Variants in ILRUN observed in about 807,000 individuals in gnomAD.
ILRUN encodes the protein inflammation and lipid regulator with UBA-like and NBR1-like domains, also known as protein ILRUN.
In ILRUN, 3 loss-of-function variants were observed where a neutral mutation model predicts 33.8. The observed-to-expected ratio is 0.09, with a 90% CI of 0.04 to 0.23. ILRUN has a LOEUF of 0.23. ILRUN is among the 10% of genes least tolerant of loss of function. The pLI is 1.00. For missense variants in ILRUN, 210 were observed against 375.1 expected (o/e 0.56, Z 3.64); for synonymous variants, 124 against 138.9 (o/e 0.89, Z 0.75).
chr6:34,655,452 CCT>C (rs1250976706), intron 1 of ILRUN, among the ~76,000 whole-genome samples: 4 of 152,258 alleles, frequency 2.6e-5, no homozygotes, highest in Admixed American at 6.5e-5. Context: ...TTATTTTCCC[CCT>C]TTTTTATACA....
intron 1 of ILRUN, among the ~76,000 whole-genome samples, chr6:34,658,181 T>C (rs1278567748): frequency 6.6e-6 from 1 of 151,734 alleles, no homozygotes; most frequent in Non-Finnish European, 1.5e-5. Flanking sequence ...AAACCTCGTC[T>C]CTACAAAAAA....
chr6:34,593,076 G>A (rs1243175102), intron 4 of ILRUN, among the ~76,000 whole-genome samples: 1 of 152,048 alleles, frequency 6.6e-6, no homozygotes, highest in Non-Finnish European at 1.5e-5. Context: ...ATACTCAGGA[G>A]GCTGAGGCCA....
intron 4 of ILRUN, among the ~76,000 whole-genome samples, chr6:34,605,069 G>A (rs1297777304): frequency 6.6e-6 from 1 of 152,178 alleles, no homozygotes; most frequent in East Asian, 1.9e-4. Context: ...CACTTTGGGA[G>A]GCCGAGGCGG....
rs1466684081 is a variant in ILRUN at position 34,668,515 on chromosome 6, TTTC to T, written c.159-13739_159-13737del. Among the ~76,000 whole-genome samples, 4 of 152,184 alleles carry T rather than the reference TTTC, an allele frequency of 2.6e-5. No homozygotes were observed. In the East Asian group the frequency reaches 7.7e-4, roughly 29 times the overall value. ...ACAGACTGAGATGATAACACCTACTTTTCTTGTTACGTGGTGCCACCCAAGACC... is the reference window on the plus strand; with the variant it reads ...ACAGACTGAGATGATAACACCTACTTTTGTTACGTGGTGCCACCCAAGACC... On this transcript the variant is annotated intron_variant, in intron 1 of 4. Coordinates refer to ENST00000374023, the MANE Select transcript of ILRUN (RefSeq NM_024294.4).
intron 1 of ILRUN, among the ~76,000 whole-genome samples, chr6:34,663,512 T>TA (rs1203987680): frequency 2.6e-5 from 4 of 151,768 alleles, no homozygotes; most frequent in Admixed American, 6.6e-5. Context: ...ATTTTAAACT[T>TA]AAAAAAAAGA....
At chr6:34,590,785 T>C (rs1236437786) in intron 4 of ILRUN, among the ~76,000 whole-genome samples, 185 bp from the exon 5 acceptor site, 1 of 152,138 alleles carries the variant, frequency 6.6e-6, no homozygotes, top group Non-Finnish European at 1.5e-5. Context: ...AGTTGCTAAG[T>C]TTCTCACTGA....
intron 2 of ILRUN, among the ~76,000 whole-genome samples, chr6:34,647,544 G>C (rs2127360483): frequency 6.6e-6 from 1 of 152,192 alleles, no homozygotes; most frequent in Non-Finnish European, 1.5e-5. Context: ...GTCAAAGGGA[G>C]ATAGATTTTT....
At chr6:34,603,660 C>A (rs1761565452) in intron 4 of ILRUN, among the ~76,000 whole-genome samples, 1 of 152,140 alleles carries the variant, frequency 6.6e-6, no homozygotes. Context: ...CACACAAACA[C>A]AAAACCCAAA....
At position 34,696,575 on chromosome 6, in the gene ILRUN, G is replaced by A. The variant is rs1233421641; in HGVS notation, c.29C>T (p.Pro10Leu). The A allele has an allele frequency of 1.9e-6, 3 of 1,612,296 alleles. No individual in the cohort carries two copies. The highest frequency in any genetic ancestry group is 1.7e-6 in the Non-Finnish European group (2 of 1,179,774). Residue 10 changes from proline (P) to leucine (L), a missense_variant, in exon 1 of 5, where the codon CCG becomes CTG. Physicochemically the swap from Pro to Leu is moderately conservative, Grantham distance 98 (BLOSUM62 -3). Transcript: ENST00000374023. MEGMDVDLD[P>L]ELMQKFSCLG... ...GCAGCTGAACTTCTGCATCAGCTCCGGGTCCAGGTCTACGTCCATGCCCTC... is the reference window on the plus strand; with the variant it reads ...GCAGCTGAACTTCTGCATCAGCTCCAGGTCCAGGTCTACGTCCATGCCCTC...
chr6:34,658,903 T>C (rs1343524200), intron 1 of ILRUN, among the ~76,000 whole-genome samples: 2 of 152,244 alleles, frequency 1.3e-5, no homozygotes, highest in Non-Finnish European at 2.9e-5. Flanking sequence ...GTTTTACTCA[T>C]CTGCAAAACT....
rs567292395 is a variant in ILRUN, at chr6:34,646,392, A to G, written c.511+209T>C. Among the ~76,000 whole-genome samples the G allele has an allele frequency of 1.3e-5, 2 of 152,362 alleles. No individual in the cohort carries two copies. The highest frequency in any genetic ancestry group is 4.1e-4 in the South Asian group (2 of 4,830). On this transcript the variant is annotated intron_variant, in intron 3 of 4. Coordinates refer to ENST00000374023, the MANE Select transcript of ILRUN (RefSeq NM_024294.4). This position sits in a 1 kb window ranked among gnomAD's most constrained non-coding sequence, Gnocchi z 4.9. ...GAACACAAAATATAATACCTCGTAC[A>G]GGTCACTAAATTATATTCCTAGGAT...
chr6:34,671,686 T>A (rs534911581), intron 1 of ILRUN: 4 of 152,362 alleles, frequency 2.6e-5, no homozygotes, highest in Admixed American at 2.0e-4. Context: ...GAAGGCTGAA[T>A]GCATGCATTA....
At chr6:34,637,864 C>T (rs12201114) in intron 3 of ILRUN, among the ~76,000 whole-genome samples, 3,157 of 141,984 alleles carry the variant, frequency 0.022, 49 homozygotes, top group Non-Finnish European at 0.026. Context: ...GCTGCTGCTG[C>T]TGTTGTTGTT....
At chr6:34,683,443 TATATATATAC>T (rs1447179709) in intron 1 of ILRUN, among the ~76,000 whole-genome samples, 6 of 73,304 alleles carry the variant, frequency 8.2e-5, no homozygotes, top group South Asian at 3.9e-4. Context: ...TATATATACA[TATATATATAC>T]ATATATATAC....
Position 34,690,585 on chromosome 6 carries a change from T to TA in ILRUN, c.158+5860_158+5861insT, listed in dbSNP as rs767465623. The stretch of plus-strand genomic sequence containing the variant: ...CTCTCCTCTGAATCTTGGTTTCCCA[T>TA]CAAAAAAAAGCCAATTAGACTACAT... On this transcript the variant is annotated intron_variant, in intron 1 of 4. Transcript: ENST00000374023. 8.8e-3 allele frequency among the ~76,000 whole-genome samples: 1,326 copies of TA among 151,152 alleles called. 21 individuals are homozygous for TA. The highest frequency in any genetic ancestry group is 0.026 in the African/African-American group (1,079 of 41,250).
rs763672997 is a variant in ILRUN at position 34,618,309 on chromosome 6, CTT to C, written c.512-11407_512-11406del. ...CAGTAAAATGTCCTAATGACCCTCT[CTT>C]TGTGTGGCTACTGCCTTCGTACCAA... On this transcript the variant is annotated intron_variant, in intron 3 of 4. Transcript: ENST00000374023. 1.1e-4 allele frequency among the ~76,000 whole-genome samples: 17 copies of C among 152,340 alleles called. 1 individual carries two copies. The East Asian group carries it at 2.7e-3, about 24-fold the overall frequency.
intron 4 of ILRUN, 43 bp from the exon 5 acceptor site, chr6:34,590,643 T>A: frequency 7.1e-7 from 1 of 1,417,058 alleles, no homozygotes; most frequent in South Asian, 1.1e-5. Context: ...CACATAGCAG[T>A]GCAACTTGAC....
chr6:34,619,463 C>G (rs1761965728), intron 3 of ILRUN, among the ~76,000 whole-genome samples: 1 of 152,076 alleles, frequency 6.6e-6, no homozygotes, highest in African/African-American at 2.4e-5. Flanking sequence ...TCAAGTGATC[C>G]TCCCCCCTCA....
chr6:34,657,920 C>T (rs768105033), intron 1 of ILRUN, among the ~76,000 whole-genome samples: 8 of 152,348 alleles, frequency 5.3e-5, no homozygotes, highest in Non-Finnish European at 1.2e-4. Flanking sequence ...GCATTCAGTG[C>T]AGTCTGAAAG....
Sources: allele counts gnomAD v4.1 joint callset (sites outside exome capture counted in the v4.1 genomes callset), GRCh38; gene constraint gnomAD v4.1.1; non-coding constraint Gnocchi (gnomAD v3.1); transcripts MANE v1.5; gene names NCBI Gene and HGNC (gene_info 2026-07-23, HGNC 2026-07-21).